FBXL7: variants seen among roughly 807,000 people sequenced by gnomAD.
FBXL7 encodes the protein F-box and leucine rich repeat protein 7.
A neutral mutation model predicts 38.3 loss-of-function variants in FBXL7; 12 were observed. The observed-to-expected ratio is 0.31, with a 90% CI of 0.20 to 0.51. The LOEUF (loss-of-function observed/expected upper bound fraction) is 0.51, where lower values mean the gene tolerates loss of function less well. Ranked by LOEUF, FBXL7 falls within the 20% of genes least tolerant of loss-of-function variation. The pLI, the probability that FBXL7 is intolerant of heterozygous loss-of-function variation, is 0.98. For synonymous variants in FBXL7, 297 were observed against 300.9 expected (o/e 0.99, Z 0.13); for missense variants, 567 against 676.4 (o/e 0.84, Z 1.79).
chr5:15,835,124 T>C (rs2126777796), intron 2 of FBXL7, among the ~76,000 whole-genome samples: 1 of 152,310 alleles, frequency 6.6e-6, no homozygotes, highest in South Asian at 2.1e-4. Flanking sequence ...TAGTGGGTGA[T>C]TTGTGAATCA....
chr5:15,704,078 C>T (rs1429690451), intron 2 of FBXL7, among the ~76,000 whole-genome samples: 1 of 152,116 alleles, frequency 6.6e-6, no homozygotes, highest in Non-Finnish European at 1.5e-5. Flanking sequence ...TCTGCTCCTT[C>T]CAGTGGTTCA....
chr5:15,655,640 T>A (rs1741854455), intron 2 of FBXL7, among the ~76,000 whole-genome samples: 2 of 152,228 alleles, frequency 1.3e-5, no homozygotes, highest in African/African-American at 4.8e-5. Context: ...TTTGCCTGAA[T>A]GTTTCACAGC....
chr5:15,813,307 C>T (rs1184337280), intron 2 of FBXL7, among the ~76,000 whole-genome samples: 1 of 151,906 alleles, frequency 6.6e-6, no homozygotes, highest in Admixed American at 6.6e-5. Context: ...ACAAATCTGA[C>T]AAAAACAAGA....
chr5:15,894,214 TCGCACCATTG>T (rs753798871), intron 2 of FBXL7, among the ~76,000 whole-genome samples: 71 of 152,204 alleles, frequency 4.7e-4, no homozygotes, highest in Non-Finnish European at 9.8e-4. Flanking sequence ...TGAGCCGAGA[TCGCACCATTG>T]CGCTCCAGCC....
In FBXL7 at chr5:15,551,821, A is replaced by G. The variant is rs111511407; in HGVS notation, c.37+51108A>G. 3.4e-3 allele frequency among the ~76,000 whole-genome samples: 513 copies of G among 152,286 alleles called. 5 individuals are homozygous for G. Among genetic ancestry groups the G allele is most frequent in the African/African-American group, 0.011 (446 of 41,554 alleles). ...CTATCTCTGCTTCTGTCATAGGCTG[A>G]CACTGGGAGAAGCTCGCAAGTCCAA... On this transcript the variant is annotated intron_variant, in intron 1 of 3. Transcript: ENST00000504595.
chr5:15,514,944 C>A (rs1736895920), intron 1 of FBXL7, among the ~76,000 whole-genome samples: 1 of 152,176 alleles, frequency 6.6e-6, no homozygotes, highest in African/African-American at 2.4e-5. Flanking sequence ...TCCCATGTTG[C>A]AACTACATCA....
At position 15,860,279 on chromosome 5, in the gene FBXL7, T is replaced by A. The variant is rs371097871; in HGVS notation, c.128-67611T>A. Among the ~76,000 whole-genome samples the A allele has an allele frequency of 1.2e-4, 18 of 152,352 alleles. 1 individual carries two copies. The highest frequency in any genetic ancestry group is 3.4e-4 in the African/African-American group (14 of 41,590). On this transcript the variant is annotated intron_variant, in intron 2 of 3. Coordinates refer to ENST00000504595, the MANE Select transcript of FBXL7 (RefSeq NM_012304.5). ...TCCTATCTGACAGCCTAGAGTTACCTAAATTTATTAAGTATGAGAAAATTG... is the reference window on the plus strand; with the variant it reads ...TCCTATCTGACAGCCTAGAGTTACCAAAATTTATTAAGTATGAGAAAATTG...
chr5:15,577,776 T>C (rs937903423), intron 1 of FBXL7, among the ~76,000 whole-genome samples: 5 of 152,182 alleles, frequency 3.3e-5, no homozygotes, highest in Admixed American at 6.5e-5. Flanking sequence ...TGTCTGCCAC[T>C]GTCCGTCTCC....
At chr5:15,577,271 T>G (rs1223455643) in intron 1 of FBXL7, among the ~76,000 whole-genome samples, 1 of 151,950 alleles carries the variant, frequency 6.6e-6, no homozygotes, top group African/African-American at 2.4e-5. Flanking sequence ...GTGGCGTTAA[T>G]TATCTACACC....
chr5:15,527,660 C>G (rs1197668021), intron 1 of FBXL7, among the ~76,000 whole-genome samples: 2 of 152,182 alleles, frequency 1.3e-5, no homozygotes, highest in Non-Finnish European at 2.9e-5. Context: ...GTAATAATCA[C>G]TGTCAACATC....
chr5:15,705,374 G>A (rs779720783), intron 2 of FBXL7, among the ~76,000 whole-genome samples: 4 of 152,182 alleles, frequency 2.6e-5, no homozygotes, highest in Non-Finnish European at 4.4e-5. Flanking sequence ...TCCTGAGGGC[G>A]AGAATCCTAC....
In FBXL7 at chr5:15,933,495, G is replaced by A. The variant is rs955095665; in HGVS notation, c.740-2955G>A. ...ACTACCATAGAAAAACAAATTCAGT[G>A]CAAGCAGGATTACAGTCAGCCTCAA... On this transcript the variant is annotated intron_variant, in intron 3 of 3. Coordinates refer to ENST00000504595, the MANE Select transcript of FBXL7 (RefSeq NM_012304.5). Among the ~76,000 whole-genome samples, 29 of 152,284 alleles carry A rather than the reference G, an allele frequency of 1.9e-4. 1 individual carries two copies. The highest frequency in any genetic ancestry group is 7.0e-4 in the African/African-American group (29 of 41,550).
Position 15,710,637 on chromosome 5 carries a change from A to G in FBXL7, c.127+94565A>G, listed in dbSNP as rs150954949. Among the ~76,000 whole-genome samples the G allele has an allele frequency of 4.3e-3, 650 of 152,272 alleles. 4 individuals carry two copies. The highest frequency in any genetic ancestry group is 0.015 in the African/African-American group (630 of 41,536). On this transcript the variant is annotated intron_variant, in intron 2 of 3. Coordinates refer to ENST00000504595, the MANE Select transcript of FBXL7 (RefSeq NM_012304.5). ...ATGCATGCATTTTGTTTTGTGTGCC[A>G]TATCTTTAACACCTAGAATGGTACC...
intron 2 of FBXL7, among the ~76,000 whole-genome samples, chr5:15,715,275 A>C (rs1363585487): frequency 6.6e-6 from 1 of 151,918 alleles, no homozygotes; most frequent in Non-Finnish European, 1.5e-5. Flanking sequence ...GGCGGATCAC[A>C]AGGTCAGGAG....
intron 2 of FBXL7, among the ~76,000 whole-genome samples, chr5:15,636,374 T>C (rs1741189479): frequency 6.6e-6 from 1 of 152,202 alleles, no homozygotes; most frequent in African/African-American, 2.4e-5. Context: ...GCTAAAGACC[T>C]GGATAGAACA....
At chr5:15,747,335 A>G (rs886595238) in intron 2 of FBXL7, among the ~76,000 whole-genome samples, 3 of 152,184 alleles carry the variant, frequency 2.0e-5, no homozygotes, top group African/African-American at 7.2e-5. Flanking sequence ...TTGTTTATGC[A>G]TGGCCTATTC....
intron 2 of FBXL7, among the ~76,000 whole-genome samples, chr5:15,762,454 T>G (rs1224813807): frequency 6.6e-6 from 1 of 152,166 alleles, no homozygotes; most frequent in Non-Finnish European, 1.5e-5. Context: ...AGCACAGCCA[T>G]TTTCTTAATG....
chr5:15,511,483 A>G (rs1561010397), intron 1 of FBXL7, among the ~76,000 whole-genome samples: 1 of 152,222 alleles, frequency 6.6e-6, no homozygotes, highest in Non-Finnish European at 1.5e-5. Context: ...TCTATTCTAA[A>G]TAGCTGAGAG....
chr5:15,596,833 G>A (rs557923008), intron 1 of FBXL7, among the ~76,000 whole-genome samples: 228 of 152,296 alleles, frequency 1.5e-3, no homozygotes, highest in African/African-American at 4.9e-3. Flanking sequence ...GGAGGGTGGT[G>A]CACCCAGAGA....
Sources: allele counts gnomAD v4.1 joint callset (sites outside exome capture counted in the v4.1 genomes callset), GRCh38; gene constraint gnomAD v4.1.1; transcripts MANE v1.5; gene names NCBI Gene and HGNC (gene_info 2026-07-23, HGNC 2026-07-21).